The following KCNH4 variants were observed in gnomAD, a reference collection of about 807,000 sequenced individuals.
KCNH4 encodes potassium voltage-gated channel subfamily H member 4.
A neutral mutation model predicts 90.7 loss-of-function variants in KCNH4; 33 were observed. That is an observed-to-expected ratio of 0.36 (90% CI 0.28 to 0.49). The LOEUF (loss-of-function observed/expected upper bound fraction) is 0.49, where lower values mean the gene tolerates loss of function less well. KCNH4 is among the 20% of genes least tolerant of loss of function. KCNH4 has a pLI of 0.98. For missense variants in KCNH4, 1,044 were observed against 1,387.1 expected, an observed-to-expected ratio of 0.75 and a Z score of 3.93; for synonymous variants, 551 against 581.7, an observed-to-expected ratio of 0.95 and a Z score of 0.76.
At position 42,178,485 on chromosome 17, in the gene KCNH4, C is replaced by T. The variant is rs764448806; in HGVS notation, c.311-8G>A. On this transcript the variant is annotated splice_polypyrimidine_tract_variant and splice_region_variant and intron_variant, in intron 2 of 16. Coordinates refer to ENST00000264661, the MANE Select transcript of KCNH4 (RefSeq NM_012285.3). ...GGCACCAAAAGGCTGAGCCTGTAGG[C>T]ATGGAGAGAGGGAAGGGAGGAGCAT... is the stretch of plus-strand genomic sequence containing the variant. 6 of 1,613,942 alleles carry T rather than the reference C, an allele frequency of 3.7e-6. No individual in the cohort carries two copies. Among genetic ancestry groups the T allele is most frequent in the Non-Finnish European group, 5.1e-6 (6 of 1,179,978 alleles).
intron 4 of KCNH4, among the ~76,000 whole-genome samples, chr17:42,177,257 C>T (rs1397924500): frequency 6.6e-6 from 1 of 152,152 alleles, no homozygotes; most frequent in Non-Finnish European, 1.5e-5. Context: ...CCATGTTGGT[C>T]AGGCTGGTCT....
chr17:42,160,770 T>C (rs958103171), intron 15 of KCNH4, among the ~76,000 whole-genome samples: 3 of 152,220 alleles, frequency 2.0e-5, no homozygotes, highest in African/African-American at 7.2e-5. Context: ...CAAGGGTCTC[T>C]ATCAGTGCTT....
rs939881 is a variant in KCNH4, at chr17:42,170,234, T to C, written c.1263A>G (p.Ser421=). 177,409 of 1,609,856 alleles carry C rather than the reference T, an allele frequency of 0.11. 12,135 individuals are homozygous for C. Among genetic ancestry groups the C allele is most frequent in the East Asian group, 0.33 (14,929 of 44,826 alleles). The part of the protein sequence containing the change: ...PYVNGSVGGP[S]RRSAYIAALY... ...GTGCCGCGATGTAGGCGCTGCGCCG[T>C]GATGGGCCGCCCACCGAGCCATTGA... The change falls in exon 8 of 17, where the codon TCA becomes TCG. Residue 421 remains serine, a synonymous_variant. Coordinates refer to ENST00000264661, the MANE Select transcript of KCNH4 (RefSeq NM_012285.3).
chr17:42,163,517 G>T lies in KCNH4; in HGVS notation c.2477+89C>A. On this transcript the variant is annotated intron_variant, in intron 13 of 16. Coordinates refer to ENST00000264661, the MANE Select transcript of KCNH4 (RefSeq NM_012285.3). The surrounding 1 kb of genome is among the most constrained non-coding windows in gnomAD (Gnocchi z 5.4). ...GGCACACGGGCAGAGACGGAATGTA[G>T]CACTGTTTGGAACGCCAGGGATAGA... The T allele has an allele frequency of 2.6e-6, 2 of 763,710 alleles. No homozygotes were observed. The highest frequency in any genetic ancestry group is 1.7e-5 in the South Asian group (1 of 57,322). 47.3% of individuals were successfully genotyped at this position (763,710 alleles called of 1,614,324 possible).
At chr17:42,169,746 C>A in intron 8 of KCNH4, 70 bp from the exon 9 acceptor site, 1 of 1,523,852 alleles carries the variant, frequency 6.6e-7, no homozygotes, top group Non-Finnish European at 9.0e-7. Flanking sequence ...CCCAAACCCA[C>A]CCTGTCCTGG....
chr17:42,176,823 C>G (rs938765546), intron 4 of KCNH4, among the ~76,000 whole-genome samples: 1 of 151,920 alleles, frequency 6.6e-6, no homozygotes, highest in Non-Finnish European at 1.5e-5. Flanking sequence ...GTGCCCGGCC[C>G]CAGGCCCCTG....
intron 14 of KCNH4, among the ~76,000 whole-genome samples, chr17:42,162,599 G>GT (rs377160397): frequency 0.01 from 1,484 of 145,196 alleles, 20 homozygotes; most frequent in African/African-American, 0.032. Context: ...AATTGTTTTT[G>GT]TTTTTTTTTT....
At position 42,178,835 on chromosome 17, in the gene KCNH4, G is replaced by T; in HGVS notation, c.268C>A (p.His90Asn). The part of the protein sequence containing the change: ...LQRLHKALEG[H>N]QEHRAEICFY... ...CAGATTTCAGCCCGGTGCTCCTGGT[G>T]GCCCTCCAGGGCTTTGTGCAGACGC... The change falls in exon 2 of 17, where the codon CAC (histidine) becomes AAC (asparagine). Residue 90 changes from histidine (H) to asparagine (N), a missense_variant. His to Asn is a moderately conservative substitution (Grantham distance 68, BLOSUM62 1). This residue lies in a region of KCNH4 where 283 missense variants were observed against 378.6 expected (regional missense o/e 0.75). Transcript: ENST00000264661. 1 of 1,614,058 alleles carries T rather than the reference G, an allele frequency of 6.2e-7. No homozygotes were observed. The highest frequency in any genetic ancestry group is 8.5e-7 in the Non-Finnish European group (1 of 1,180,016).
At chr17:42,173,610 C>T (rs1214161700) in intron 6 of KCNH4, among the ~76,000 whole-genome samples, 1 of 151,566 alleles carries the variant, frequency 6.6e-6, no homozygotes, top group Non-Finnish European at 1.5e-5. Flanking sequence ...CTCACCAGAC[C>T]ATCCACTCAG....
Position 42,176,280 on chromosome 17 carries a change from C to T in KCNH4, c.603G>A (p.Lys201=). 6.2e-7 allele frequency: 1 copy of T among 1,607,774 alleles called. No individual in the cohort carries two copies. Among genetic ancestry groups the T allele is most frequent in the South Asian group, 1.1e-5 (1 of 90,922 alleles). Residue 201 remains lysine (K), a synonymous_variant, in exon 5 of 17, where the codon AAG becomes AAA. Transcript: ENST00000264661. ...MKANNNVFEP[K]PSVPEYKVAS... ...CCACCTTGTACTCGGGCACTGATGG[C>T]TTTGGCTCAAACACGTTCTAAGGGG...
intron 6 of KCNH4, among the ~76,000 whole-genome samples, chr17:42,173,202 C>T (rs1399523952): frequency 6.6e-6 from 1 of 152,028 alleles, no homozygotes; most frequent in Non-Finnish European, 1.5e-5. Context: ...GGGGCAGTGC[C>T]TGGGGAACTT....
chr17:42,161,378 C>T (rs2079747800), intron 15 of KCNH4, among the ~76,000 whole-genome samples: 1 of 152,348 alleles, frequency 6.6e-6, no homozygotes, highest in East Asian at 1.9e-4. Flanking sequence ...GGCACCGCCC[C>T]TCTGGGATGC....
Position 42,163,107 on chromosome 17 carries a change from T to G in KCNH4, c.2584+121A>C. On this transcript the variant is annotated intron_variant, in intron 14 of 16. Coordinates refer to ENST00000264661, the MANE Select transcript of KCNH4 (RefSeq NM_012285.3). The surrounding 1 kb of genome is among the most constrained non-coding windows in gnomAD (Gnocchi z 5.4). The stretch of plus-strand genomic sequence containing the variant: ...ACTCCAAGAGCGTGGGCCAGGTCTG[T>G]TTTATCTGTGTATTCCCAGGATGGC... The G allele has an allele frequency of 1.4e-6, 1 of 735,570 alleles. No homozygotes were observed. Among genetic ancestry groups the G allele is most frequent in the South Asian group, 1.6e-5 (1 of 64,356 alleles). The allele number at this position is 735,570 out of a possible 1,614,324, so 45.6% of individuals were successfully genotyped here. A position where few individuals can be genotyped will look rare whatever the true frequency, so the allele number is the denominator to read the frequency against.
rs980088115 is a variant in KCNH4 at position 42,180,286 on chromosome 17, G to T, written c.76+584C>A. Among the ~76,000 whole-genome samples the T allele has an allele frequency of 6.6e-6, 1 of 152,072 alleles. No individual in the cohort carries two copies. The highest frequency in any genetic ancestry group is 1.5e-5 in the Non-Finnish European group (1 of 67,988). On this transcript the variant is annotated intron_variant, in intron 1 of 16. Coordinates refer to ENST00000264661, the MANE Select transcript of KCNH4 (RefSeq NM_012285.3). This position sits in a 1 kb window ranked among gnomAD's most constrained non-coding sequence, Gnocchi z 4.7. The stretch of plus-strand genomic sequence containing the variant: ...GAAGAGGCGGGGGAGGAGTGATGTG[G>T]CTGTCCAAGGTGCTGAACCTGAAAC...
chr17:42,164,159 G>T lies in KCNH4; in HGVS notation c.2095C>A (p.Arg699Ser). 6.4e-7 allele frequency: 1 copy of T among 1,552,378 alleles called. No homozygotes were observed. Among genetic ancestry groups the T allele is most frequent in the Non-Finnish European group, 8.7e-7 (1 of 1,147,338 alleles). ...GAGAGGCGAGGGGATCGGGAAAAGC[G>T]GCTGAGGCCCTGTGGGGACATAGGA... is the stretch of plus-strand genomic sequence containing the variant. Reference protein sequence around the residue: ...RQGSDTSGLSRFSRSPRLSQP... With the variant: ...RQGSDTSGLSSFSRSPRLSQP... Residue 699 changes from arginine (R) to serine (S), a missense_variant, in exon 12 of 17, where the codon CGC (arginine) becomes AGC (serine). By Grantham distance (110) the Arg-to-Ser change is moderately radical. Around this residue, in one of 4 missense-constraint regions of KCNH4, gnomAD observed 441 missense variants for 512.3 expected, o/e 0.86. Coordinates refer to ENST00000264661, the MANE Select transcript of KCNH4 (RefSeq NM_012285.3).
chr17:42,172,641 A>G (rs1014283041), intron 6 of KCNH4, among the ~76,000 whole-genome samples: 1 of 151,490 alleles, frequency 6.6e-6, no homozygotes, highest in African/African-American at 2.4e-5. Context: ...ACTGAGGTTC[A>G]GGGAGGCTAA....
In KCNH4 at chr17:42,164,213, G is replaced by A. The variant is rs371128580; in HGVS notation, c.2086-45C>T. The A allele has an allele frequency of 1.9e-5, 29 of 1,505,848 alleles. No individual in the cohort carries two copies. In the African/African-American group the frequency reaches 2.1e-4, roughly 11 times the overall value. 93.3% of individuals were successfully genotyped at this position (1,505,848 alleles called of 1,614,324 possible). Reference sequence around the variant, plus strand: ...TTCAAGCTGATTCCTGCCTTCCCGCGGCCATAGCGCAGACCCTCCCTGTCC... The same window carrying A: ...TTCAAGCTGATTCCTGCCTTCCCGCAGCCATAGCGCAGACCCTCCCTGTCC... On this transcript the variant is annotated intron_variant, in intron 11 of 16. Transcript: ENST00000264661.
At position 42,176,133 on chromosome 17, in the gene KCNH4, GAAAC is replaced by G. The variant is rs2079859253; in HGVS notation, c.746_749del (p.Cys249SerfsTer27). The G allele has an allele frequency of 6.2e-7, 1 of 1,613,948 alleles. No homozygotes were observed. Among genetic ancestry groups the G allele is most frequent in the Non-Finnish European group, 8.5e-7 (1 of 1,179,920 alleles). On this transcript the variant is annotated frameshift_variant, in exon 5 of 17. Transcript: ENST00000264661. LOFTEE classifies it high-confidence loss of function. ...TGATGGGGGTGTCATCGTCACCCGAGAAACAGACATTGTAGGGGACGGTGACCGC... is the reference window on the plus strand; with the variant it reads ...TGATGGGGGTGTCATCGTCACCCGAGAGACATTGTAGGGGACGGTGACCGC...
At chr17:42,169,706 G>T in intron 8 of KCNH4, 30 bp from the exon 9 acceptor site, 1 of 1,607,690 alleles carries the variant, frequency 6.2e-7, no homozygotes, top group Non-Finnish European at 8.5e-7. Flanking sequence ...CCTGTCAGGG[G>T]CGGCCACCCC....
Sources: gnomAD v4.1 joint callset for allele counts (sites outside exome capture counted in the v4.1 genomes callset) on GRCh38, gnomAD v4.1.1 for gene constraint, gnomAD v4.1.1 regional missense constraint, Gnocchi (gnomAD v3.1) non-coding constraint, MANE v1.5 for transcripts, NCBI Gene and HGNC (gene_info 2026-07-23, HGNC 2026-07-21) for gene names.